Variants in GLI2 observed in about 807,000 individuals in gnomAD.
GLI2 encodes transcription activator GLI2.
Under a neutral mutation model 78.9 loss-of-function variants are expected in GLI2, and 22 were observed. The observed-to-expected ratio is 0.28, with a 90% CI of 0.20 to 0.40. GLI2 has a LOEUF of 0.40. GLI2 is among the 10% of genes least tolerant of loss of function. The pLI is 1.00. For missense variants in GLI2, 2,097 were observed against 2,213.2 expected (o/e 0.95, Z 1.05); for synonymous variants, 974 against 963.7 (o/e 1.01, Z -0.20).
At chr2:120,795,984 C>T (rs1684372712) in intron 1 of GLI2, among the ~76,000 whole-genome samples, 2 of 152,122 alleles carry the variant, frequency 1.3e-5, no homozygotes, top group South Asian at 4.1e-4. Context: ...GCAGAGGTTG[C>T]GGTGAGCCAA....
intron 1 of GLI2, among the ~76,000 whole-genome samples, chr2:120,761,946 A>C (rs1453108178): frequency 6.6e-6 from 1 of 152,234 alleles, no homozygotes; most frequent in Non-Finnish European, 1.5e-5. Flanking sequence ...CCCCTTCTGC[A>C]GGGGCAAATT....
intron 2 of GLI2, among the ~76,000 whole-genome samples, chr2:120,924,911 G>C (rs1679585306): frequency 6.6e-6 from 1 of 152,272 alleles, no homozygotes; most frequent in South Asian, 2.1e-4. Context: ...CGCCTCCTGT[G>C]TGTGGGCTTT....
At chr2:120,971,852 G>A (rs1359675885) in intron 7 of GLI2, 89 bp from the exon 8 acceptor site, 7 of 1,105,022 alleles carry the variant, frequency 6.3e-6, no homozygotes, top group Admixed American at 1.7e-5. Flanking sequence ...TGGTCTGTGC[G>A]GAGAGATCCT....
chr2:120,861,227 G>A (rs1028870964), intron 2 of GLI2, among the ~76,000 whole-genome samples: 1 of 152,206 alleles, frequency 6.6e-6, no homozygotes, highest in Non-Finnish European at 1.5e-5. Flanking sequence ...TCCATTCTGT[G>A]CTGTCTGTTC....
At chr2:120,859,696 C>T (rs1212324369) in intron 2 of GLI2, among the ~76,000 whole-genome samples, 1 of 151,990 alleles carries the variant, frequency 6.6e-6, no homozygotes, top group African/African-American at 2.4e-5. Context: ...CTCAGGTGAT[C>T]CGCCCGCCTT....
chr2:120,795,788 G>A lies in GLI2; in HGVS notation c.-30-1503G>A, dbSNP rs147293524. 3.4e-3 allele frequency among the ~76,000 whole-genome samples: 515 copies of A among 152,224 alleles called. 3 individuals carry two copies. The highest frequency in any genetic ancestry group is 0.012 in the African/African-American group (487 of 41,530). Reference sequence around the variant, plus strand: ...TGACCGGCCAGGTGCGGTGGCTCACGCCTGTAATCCCAGCACTTTAGGAGG... The same window carrying A: ...TGACCGGCCAGGTGCGGTGGCTCACACCTGTAATCCCAGCACTTTAGGAGG... On this transcript the variant is annotated intron_variant, in intron 1 of 13. Coordinates refer to ENST00000361492, the MANE Select transcript of GLI2 (RefSeq NM_001374353.1).
At chr2:120,905,601 G>T (rs973225735) in intron 2 of GLI2, among the ~76,000 whole-genome samples, 1 of 152,184 alleles carries the variant, frequency 6.6e-6, no homozygotes, top group African/African-American at 2.4e-5. Context: ...CTGGGAGCAG[G>T]GAGTTGCCAA....
intron 2 of GLI2, among the ~76,000 whole-genome samples, chr2:120,881,305 C>T (rs1677103195): frequency 6.6e-6 from 1 of 152,200 alleles, no homozygotes; most frequent in African/African-American, 2.4e-5. Context: ...GCCCCCTTCC[C>T]CAGGGTCCTG....
rs183512022 is a variant in GLI2, at chr2:120,928,382, G to A, written c.254+916G>A. On this transcript the variant is annotated intron_variant, in intron 3 of 13. Coordinates refer to ENST00000361492, the MANE Select transcript of GLI2 (RefSeq NM_001374353.1). Reference sequence around the variant, plus strand: ...GCCACCTCCAAGCCTCAACCGAGGAGTCACCTCCTCAGGGGCAGTGTGATC... The same window carrying A: ...GCCACCTCCAAGCCTCAACCGAGGAATCACCTCCTCAGGGGCAGTGTGATC... Among the ~76,000 whole-genome samples, 913 of 152,286 alleles carry A rather than the reference G, an allele frequency of 6.0e-3. 6 individuals carry two copies. Among genetic ancestry groups the A allele is most frequent in the Non-Finnish European group, 9.1e-3 (616 of 68,036 alleles).
chr2:120,896,842 T>C lies in GLI2; in HGVS notation c.149-30519T>C, dbSNP rs570803222. The stretch of plus-strand genomic sequence containing the variant: ...AACTCTTGAGAAGCTCGTTTATTCA[T>C]TTTTACCCTATGTAGTTCTACAGGC... On this transcript the variant is annotated intron_variant, in intron 2 of 13. Coordinates refer to ENST00000361492, the MANE Select transcript of GLI2 (RefSeq NM_001374353.1). Among the ~76,000 whole-genome samples, 52 of 152,274 alleles carry C rather than the reference T, an allele frequency of 3.4e-4. 1 individual carries two copies. Among genetic ancestry groups the C allele is most frequent in the African/African-American group, 1.2e-3 (51 of 41,562 alleles).
At chr2:120,935,640 G>A (rs544204386) in intron 3 of GLI2, among the ~76,000 whole-genome samples, 19 of 152,304 alleles carry the variant, frequency 1.2e-4, no homozygotes, top group African/African-American at 3.6e-4. Context: ...ACCGAGGCAT[G>A]GGGAGGCTGA....
intron 1 of GLI2, among the ~76,000 whole-genome samples, chr2:120,753,915 CAAAA>C (rs1164921224): frequency 3.1e-5 from 2 of 64,676 alleles, no homozygotes; most frequent in African/African-American, 5.1e-5. Flanking sequence ...GACTCCATCT[CAAAA>C]AAAAAAAAAA....
intron 3 of GLI2, among the ~76,000 whole-genome samples, chr2:120,940,119 G>T (rs72837321): frequency 6.6e-6 from 1 of 152,132 alleles, no homozygotes; most frequent in South Asian, 2.1e-4. Flanking sequence ...CTATGAGGTC[G>T]TCTTTTTCCC....
chr2:120,906,815 C>T (rs567808782), intron 2 of GLI2, among the ~76,000 whole-genome samples: 1 of 152,306 alleles, frequency 6.6e-6, no homozygotes, highest in South Asian at 2.1e-4. Context: ...ATGCTTGACT[C>T]GCCCTCCCTG....
chr2:120,873,487 C>T (rs980924474), intron 2 of GLI2, among the ~76,000 whole-genome samples: 4 of 152,304 alleles, frequency 2.6e-5, no homozygotes, highest in Admixed American at 2.0e-4. Flanking sequence ...GATGCATTCT[C>T]CTAGCTTTTC....
rs1051786506 is a variant in GLI2 at position 120,992,512 on chromosome 2, A to G, written c.*1837A>G. ...AATTTTTTCATAATTTATCTTGTCTATCTGCTTCCCCCTTGACAGTAGTTA... is the reference window on the plus strand; with the variant it reads ...AATTTTTTCATAATTTATCTTGTCTGTCTGCTTCCCCCTTGACAGTAGTTA... On this transcript the variant is annotated 3_prime_UTR_variant, in exon 14 of 14. Coordinates refer to ENST00000361492, the MANE Select transcript of GLI2 (RefSeq NM_001374353.1). The G allele has an allele frequency of 2.6e-5, 4 of 152,218 alleles. No individual in the cohort carries two copies. Among genetic ancestry groups the G allele is most frequent in the African/African-American group, 9.6e-5 (4 of 41,454 alleles). 9.4% of individuals were successfully genotyped at this position (152,218 alleles called of 1,614,324 possible).
intron 8 of GLI2, among the ~76,000 whole-genome samples, chr2:120,973,729 TACG>T (rs1682310147): frequency 1.3e-5 from 2 of 152,368 alleles, no homozygotes; most frequent in Non-Finnish European, 2.9e-5. Context: ...GGAGCTATTG[TACG>T]ACATGTTGTT....
At position 120,978,428 on chromosome 2, in the gene GLI2, C is replaced by G. The variant is rs527454905; in HGVS notation, c.1318-6C>G. 6.2e-7 allele frequency: 1 copy of G among 1,614,108 alleles called. No homozygotes were observed. The highest frequency in any genetic ancestry group is 2.2e-5 in the East Asian group (1 of 44,870). On this transcript the variant is annotated splice_region_variant and splice_polypyrimidine_tract_variant and intron_variant, in intron 9 of 13. Transcript: ENST00000361492. ...TTACCCTCTTCTGGGCATGTCCCTC[C>G]GGCAGCACATCAACAACGAGCACAT...
chr2:120,822,565 A>T (rs931501481), intron 2 of GLI2, among the ~76,000 whole-genome samples: 4 of 152,214 alleles, frequency 2.6e-5, no homozygotes, highest in Admixed American at 2.0e-4. Flanking sequence ...TCACCTGTTT[A>T]CTATTTTTCT....
Sources: allele counts gnomAD v4.1 joint callset (sites outside exome capture counted in the v4.1 genomes callset), GRCh38; gene constraint gnomAD v4.1.1; transcripts MANE v1.5; gene names NCBI Gene and HGNC (gene_info 2026-07-23, HGNC 2026-07-21).